The following ZC3H4 variants were observed in gnomAD, a reference collection of about 807,000 sequenced individuals.
ZC3H4 encodes zinc finger CCCH-type containing 4, also known as zinc finger CCCH domain-containing protein 4.
ZC3H4 carries 13 observed loss-of-function variants against 108.3 expected under a neutral mutation model. The ratio of observed to expected loss-of-function variants is 0.12; its 90% CI spans 0.08 to 0.19. The LOEUF is 0.19. ZC3H4 is among the 10% of genes least tolerant of loss of function. The pLI is 1.00. For synonymous variants in ZC3H4, 917 were observed against 749.6 expected (o/e 1.22, Z -3.65); for missense variants, 1,734 against 1,838.8 (o/e 0.94, Z 1.04).
chr19:47,103,467 C>G (rs561460510), intron 2 of ZC3H4, among the ~76,000 whole-genome samples: 1 of 152,196 alleles, frequency 6.6e-6, no homozygotes, highest in African/African-American at 2.4e-5. Context: ...CCATGCCCAG[C>G]TAATTTTTGT....
rs775860314 is a variant in ZC3H4 at position 47,069,314 on chromosome 19, C to T, written c.2176G>A (p.Gly726Arg). The change falls in exon 14 of 15, where the codon GGG becomes AGG. Residue 726 changes from glycine to arginine, a missense_variant. Around this residue, in one of 9 missense-constraint regions of ZC3H4, gnomAD observed 540 missense variants for 484.1 expected, o/e 1.12. Coordinates refer to ENST00000253048, the MANE Select transcript of ZC3H4 (RefSeq NM_015168.2). ...EDYGHYEELP[G>R]EPGEHLFPEH... ...GGGAAGAGGTGCTCCCCAGGCTCCCCTGGCAGCTCTTCGTAGTGCCCGTAG... is the reference window on the plus strand; with the variant it reads ...GGGAAGAGGTGCTCCCCAGGCTCCCTTGGCAGCTCTTCGTAGTGCCCGTAG... 3 of 1,613,558 alleles carry T rather than the reference C, an allele frequency of 1.9e-6. No individual in the cohort carries two copies. The South Asian group carries it at 3.3e-5, about 18-fold the overall frequency.
chr19:47,078,606 C>T (rs1361326050), intron 11 of ZC3H4, among the ~76,000 whole-genome samples: 2 of 152,118 alleles, frequency 1.3e-5, no homozygotes, highest in Non-Finnish European at 2.9e-5. Context: ...CCAGCCTGGC[C>T]AACATGGTGA....
chr19:47,090,191 T>C lies in ZC3H4; in HGVS notation c.493-2A>G. ...CGATGGGGGGTACTGCTGGTGGGAC[T>C]GCGTCCCAGAGATGGGGAAAAGAGG... On this transcript the variant is annotated splice_acceptor_variant, in intron 4 of 14. Coordinates refer to ENST00000253048, the MANE Select transcript of ZC3H4 (RefSeq NM_015168.2). LOFTEE classifies it high-confidence loss of function. The C allele has an allele frequency of 6.2e-7, 1 of 1,614,084 alleles. No homozygotes were observed. The highest frequency in any genetic ancestry group is 1.1e-5 in the South Asian group (1 of 91,080).
intron 4 of ZC3H4, among the ~76,000 whole-genome samples, chr19:47,091,352 CTT>C (rs1272987009): frequency 3.2e-4 from 48 of 152,096 alleles, no homozygotes; most frequent in African/African-American, 1.1e-3. Flanking sequence ...AGGCAGATCT[CTT>C]GAGGTCAGGA....
intron 5 of ZC3H4, among the ~76,000 whole-genome samples, chr19:47,088,659 C>T (rs1324789656): frequency 5.3e-5 from 8 of 151,770 alleles, no homozygotes; most frequent in African/African-American, 1.7e-4. Context: ...TTCTGTCTCC[C>T]AATAAACAAA....
chr19:47,066,568 CGGT>C lies in ZC3H4; in HGVS notation c.3697_3699del (p.Thr1233del). On this transcript the variant is annotated inframe_deletion, in exon 15 of 15. Transcript: ENST00000253048. ...GGGGCACCCTCGGGGGGTGGGGTGG[CGGT>C]GGTGGCAGCGGGGGCTGCAGCAGCC... The C allele has an allele frequency of 6.4e-7, 1 of 1,569,650 alleles. No individual in the cohort carries two copies. The highest frequency in any genetic ancestry group is 8.6e-7 in the Non-Finnish European group (1 of 1,156,354).
intron 13 of ZC3H4, among the ~76,000 whole-genome samples, chr19:47,070,172 G>A (rs145289655): frequency 4.7e-4 from 72 of 152,236 alleles, no homozygotes; most frequent in Middle Eastern, 3.4e-3. Context: ...CCCACAGAAC[G>A]CTCTGCAGTG....
chr19:47,085,342 G>A lies in ZC3H4; in HGVS notation c.943C>T (p.Arg315Cys), dbSNP rs772964263. Residue 315 changes from arginine (R) to cysteine (C), a missense_variant, in exon 7 of 15, where the codon CGC becomes TGC. Transcript: ENST00000253048. ...EYSKELNQYR[R>C]SKDSRGRGLS... The stretch of plus-strand genomic sequence containing the variant: ...CCTCGGCCTCGGCTGTCCTTGGAGC[G>A]GCGGTACTGGTTCAGCTCCTTGGAG... 1.8e-5 allele frequency: 29 copies of A among 1,601,814 alleles called. No homozygotes were observed. Among genetic ancestry groups the A allele is most frequent in the Middle Eastern group, 1.7e-4 (1 of 6,020 alleles).
At chr19:47,113,033 G>A (rs1385186249) in intron 1 of ZC3H4, among the ~76,000 whole-genome samples, 2 of 152,248 alleles carry the variant, frequency 1.3e-5, no homozygotes, top group Non-Finnish European at 2.9e-5. Flanking sequence ...GGGCCGCGGA[G>A]ACGGGCCGAC....
At chr19:47,112,298 G>T in intron 2 of ZC3H4, 126 bp downstream of exon 2, 1 of 1,106,092 alleles carries the variant, frequency 9.0e-7, no homozygotes, top group Non-Finnish European at 1.1e-6. Flanking sequence ...CACCGACCCC[G>T]CCCTTCCTCC....
At position 47,068,088 on chromosome 19, in the gene ZC3H4, G is replaced by A. The variant is rs188351879; in HGVS notation, c.2399-219C>T. On this transcript the variant is annotated intron_variant, in intron 14 of 14. Coordinates refer to ENST00000253048, the MANE Select transcript of ZC3H4 (RefSeq NM_015168.2). Reference sequence around the variant, plus strand: ...ATGCTCCCCAGCTCTCCTCAGTGGCGGCACTGCACTAAGTAGTTTGTTTTA... The same window carrying A: ...ATGCTCCCCAGCTCTCCTCAGTGGCAGCACTGCACTAAGTAGTTTGTTTTA... Among the ~76,000 whole-genome samples the A allele has an allele frequency of 1.5e-3, 233 of 152,270 alleles. 2 individuals are homozygous for A. The highest frequency in any genetic ancestry group is 1.8e-3 in the Non-Finnish European group (124 of 68,020).
chr19:47,087,195 G>A (rs543399249), intron 5 of ZC3H4, among the ~76,000 whole-genome samples: 2 of 151,548 alleles, frequency 1.3e-5, no homozygotes, highest in Non-Finnish European at 2.9e-5. Flanking sequence ...AGAATTGCTT[G>A]AACCCGGGAG....
intron 2 of ZC3H4, among the ~76,000 whole-genome samples, chr19:47,104,130 C>T (rs1257947175): frequency 6.6e-6 from 1 of 151,930 alleles, no homozygotes; most frequent in Non-Finnish European, 1.5e-5. Context: ...ACCAGCCTGG[C>T]CAACATGGTA....
intron 8 of ZC3H4, 82 bp from the exon 9 acceptor site, chr19:47,084,537 G>T: frequency 7.3e-7 from 1 of 1,370,198 alleles, no homozygotes; most frequent in Non-Finnish European, 1.0e-6. Context: ...AAGCACGGGA[G>T]AAGGGGATGA....
intron 5 of ZC3H4, 119 bp from the exon 6 acceptor site, chr19:47,086,657 T>TC: frequency 7.1e-7 from 1 of 1,416,938 alleles, no homozygotes. Flanking sequence ...CTCCTTCTCC[T>TC]CCTCCTCCTC....
chr19:47,076,306 T>TGCAC (rs2057416591), intron 11 of ZC3H4, among the ~76,000 whole-genome samples: 1 of 135,846 alleles, frequency 7.4e-6, no homozygotes, highest in African/African-American at 2.8e-5. Flanking sequence ...ACTCAACACA[T>TGCAC]GCACGCGTGC....
intron 11 of ZC3H4, among the ~76,000 whole-genome samples, chr19:47,079,746 G>T (rs1245378052): frequency 1.3e-5 from 2 of 152,198 alleles, no homozygotes; most frequent in African/African-American, 4.8e-5. Context: ...AAATAGCTGG[G>T]CGCAGCGGCA....
chr19:47,111,650 A>AT (rs2058040442), intron 2 of ZC3H4, among the ~76,000 whole-genome samples: 1 of 151,682 alleles, frequency 6.6e-6, no homozygotes, highest in Non-Finnish European at 1.5e-5. Context: ...CTCTAAAAAA[A>AT]TAGGCTGGGG....
chr19:47,098,668 G>A (rs1470163377), intron 2 of ZC3H4, among the ~76,000 whole-genome samples: 3 of 152,168 alleles, frequency 2.0e-5, no homozygotes, highest in East Asian at 1.9e-4. Context: ...GGAGGCTGAG[G>A]TAGGAGAATC....
Sources: allele counts gnomAD v4.1 joint callset (sites outside exome capture counted in the v4.1 genomes callset), GRCh38; gene constraint gnomAD v4.1.1; regional missense constraint gnomAD v4.1.1; transcripts MANE v1.5; gene names NCBI Gene and HGNC (gene_info 2026-07-23, HGNC 2026-07-21).